CLDN10: variants seen among roughly 807,000 people sequenced by gnomAD.
CLDN10 encodes claudin-10.
CLDN10 carries 15 observed loss-of-function variants against 22.9 expected under a neutral mutation model. The ratio of observed to expected loss-of-function variants is 0.65; its 90% CI spans 0.44 to 1.01. The LOEUF (loss-of-function observed/expected upper bound fraction) is 1.01, where lower values mean the gene tolerates loss of function less well. CLDN10 is among the 50% of genes least tolerant of loss of function. The pLI, the probability that CLDN10 is intolerant of heterozygous loss-of-function variation, is 0.00. For synonymous variants in CLDN10, 114 were observed against 111.4 expected (o/e 1.02, Z -0.15); for missense variants, 247 against 287.8 (o/e 0.86, Z 1.03).
Position 95,552,916 on chromosome 13 carries a change from A to T in CLDN10, c.163A>T (p.Thr55Ser), listed in dbSNP as rs763856292. 1 of 1,613,798 alleles carries T rather than the reference A, an allele frequency of 6.2e-7. No individual in the cohort carries two copies. The highest frequency in any genetic ancestry group is 1.1e-5 in the South Asian group (1 of 91,060). The change falls in exon 1 of 5, where the codon ACC becomes TCC. Residue 55 changes from threonine (T) to serine (S), a missense_variant. Physicochemically the swap from Thr to Ser is moderately conservative, Grantham distance 58. Coordinates refer to ENST00000299339, the MANE Select transcript of CLDN10 (RefSeq NM_006984.5). The stretch of plus-strand genomic sequence containing the variant: ...GGCCAACCTGTGGAAGGCGTGCGTT[A>T]CCGACTCCACGGGCGTCTCCAACTG... ...YWANLWKACVTDSTGVSNCKD... is the reference protein window; with the variant it reads ...YWANLWKACVSDSTGVSNCKD...
At position 95,505,912 on chromosome 13, in the gene CLDN10, G is replaced by T. The variant is rs139708190; in HGVS notation, c.215-54220G>T. Among the ~76,000 whole-genome samples the T allele has an allele frequency of 6.6e-3, 1,003 of 152,124 alleles. 6 individuals carry two copies. Among genetic ancestry groups the T allele is most frequent in the African/African-American group, 0.023 (955 of 41,502 alleles). ...TGGGATTACAGGTGCCTGCCACCAC[G>T]CCCAGCTAGTTGAGATGGGGTTTCA... is the stretch of plus-strand genomic sequence containing the variant. On this transcript the variant is annotated intron_variant, in intron 1 of 4. Coordinates refer to the CLDN10 transcript ENST00000376873.
At chr13:95,544,855 C>A (rs913941802) in intron 1 of CLDN10, among the ~76,000 whole-genome samples, 2 of 151,912 alleles carry the variant, frequency 1.3e-5, no homozygotes, top group Non-Finnish European at 2.9e-5. Context: ...CAGCTCACTG[C>A]AACCTCCATC....
intron 1 of CLDN10, among the ~76,000 whole-genome samples, chr13:95,555,644 C>T (rs1381145806): frequency 6.6e-6 from 1 of 152,132 alleles, no homozygotes; most frequent in African/African-American, 2.4e-5. Context: ...GATGACTTTC[C>T]TTCTGTGGCT....
chr13:95,515,262 G>A (rs1227070826), intron 1 of CLDN10, among the ~76,000 whole-genome samples: 4 of 152,100 alleles, frequency 2.6e-5, no homozygotes, highest in Admixed American at 1.3e-4. Flanking sequence ...GCAGTGGTAC[G>A]ATCTCAGCTC....
At chr13:95,461,015 G>A (rs1205626281) in intron 1 of CLDN10, among the ~76,000 whole-genome samples, 2 of 152,160 alleles carry the variant, frequency 1.3e-5, no homozygotes, top group African/African-American at 4.8e-5. Context: ...CAGAGGCTGA[G>A]GCAGGGGAAT....
At chr13:95,445,931 A>C (rs1443178540) in intron 1 of CLDN10, among the ~76,000 whole-genome samples, 2 of 152,200 alleles carry the variant, frequency 1.3e-5, no homozygotes, top group African/African-American at 4.8e-5. Flanking sequence ...CGTATATTTT[A>C]AGGGACATGA....
intron 1 of CLDN10, among the ~76,000 whole-genome samples, chr13:95,476,032 G>A (rs529709652): frequency 5.3e-5 from 8 of 152,108 alleles, no homozygotes; most frequent in African/African-American, 1.4e-4. Context: ...GCTTCCTTCC[G>A]TGTGCCACTC....
At chr13:95,550,712 T>C (rs768166867), upstream of CLDN10, among the ~76,000 whole-genome samples, 41 of 151,766 alleles carry the variant, frequency 2.7e-4, no homozygotes, top group African/African-American at 8.9e-4. Flanking sequence ...GATAAAACAC[T>C]TTAAAAAGGC....
intron 1 of CLDN10, among the ~76,000 whole-genome samples, chr13:95,459,492 C>T (rs1482980154): frequency 1.3e-5 from 2 of 152,226 alleles, no homozygotes; most frequent in Admixed American, 1.3e-4. Context: ...ACCTGAAGGC[C>T]CAACACAATG....
At chr13:95,473,671 G>T (rs866381088) in intron 1 of CLDN10, among the ~76,000 whole-genome samples, 1 of 152,224 alleles carries the variant, frequency 6.6e-6, no homozygotes, top group Non-Finnish European at 1.5e-5. Flanking sequence ...GCTGAGGACC[G>T]GGTGCCGTCC....
chr13:95,512,132 G>GTTT (rs1408615781), intron 1 of CLDN10, among the ~76,000 whole-genome samples: 1 of 10,254 alleles, frequency 9.8e-5, no homozygotes, highest in Non-Finnish European at 2.5e-4. Flanking sequence ...TTTTTTTTTG[G>GTTT]TTTTTGTTTG....
At chr13:95,500,981 T>C (rs1024382711) in intron 1 of CLDN10, among the ~76,000 whole-genome samples, 2 of 152,066 alleles carry the variant, frequency 1.3e-5, no homozygotes, top group African/African-American at 2.4e-5. Context: ...CAGATCATTT[T>C]GGTCTTTTTA....
rs1301196201 is a variant in CLDN10, at chr13:95,433,776, A to G, written c.-58A>G. On this transcript the variant is annotated 5_prime_UTR_variant, in exon 1 of 5. Transcript: ENST00000376873. ...TGTCAAAGTGTTCTCTATCGGCTGCATGCCTAGACCACCAAAGCGTTCTGA... is the reference window on the plus strand; with the variant it reads ...TGTCAAAGTGTTCTCTATCGGCTGCGTGCCTAGACCACCAAAGCGTTCTGA... The G allele has an allele frequency of 1.9e-6, 3 of 1,577,972 alleles. No individual in the cohort carries two copies. The African/African-American group carries it at 4.0e-5, about 21-fold the overall frequency.
At chr13:95,490,153 A>G (rs2042856157) in intron 1 of CLDN10, among the ~76,000 whole-genome samples, 1 of 152,170 alleles carries the variant, frequency 6.6e-6, no homozygotes, top group African/African-American at 2.4e-5. Flanking sequence ...AGGTAGTGTG[A>G]TGCCTCTGGA....
At chr13:95,500,337 C>A (rs1360197832) in intron 1 of CLDN10, among the ~76,000 whole-genome samples, 1 of 152,124 alleles carries the variant, frequency 6.6e-6, no homozygotes, top group Non-Finnish European at 1.5e-5. Flanking sequence ...CTGGGAAGTA[C>A]CTATTTAGCC....
chr13:95,441,954 C>T (rs1275819342), intron 1 of CLDN10, among the ~76,000 whole-genome samples: 1 of 152,134 alleles, frequency 6.6e-6, no homozygotes, highest in Non-Finnish European at 1.5e-5. Flanking sequence ...AGTTTGAGAC[C>T]AGCCTGGGCA....
chr13:95,437,255 C>T (rs1223607097), intron 1 of CLDN10, among the ~76,000 whole-genome samples: 3 of 152,122 alleles, frequency 2.0e-5, no homozygotes, highest in African/African-American at 4.8e-5. Flanking sequence ...AATACAGAGG[C>T]CACCTTCAAC....
chr13:95,520,192 A>T (rs564091067), intron 1 of CLDN10, among the ~76,000 whole-genome samples: 1 of 152,318 alleles, frequency 6.6e-6, no homozygotes, highest in African/African-American at 2.4e-5. Flanking sequence ...TAGGTTATTA[A>T]TAAAGGCTCT....
At chr13:95,529,896 C>G (rs997118310) in intron 1 of CLDN10, among the ~76,000 whole-genome samples, 12 of 151,776 alleles carry the variant, frequency 7.9e-5, no homozygotes, top group Non-Finnish European at 1.3e-4. Context: ...TTTAATAATT[C>G]TGGTGAGGAA....
Sources: allele counts gnomAD v4.1 joint callset (sites outside exome capture counted in the v4.1 genomes callset), GRCh38; gene constraint gnomAD v4.1.1; transcripts MANE v1.5; gene names NCBI Gene and HGNC (gene_info 2026-07-23, HGNC 2026-07-21).